The following TRPM3 variants were observed in gnomAD, a reference collection of about 807,000 sequenced individuals.
TRPM3 encodes the protein transient receptor potential cation channel subfamily M member 3.
TRPM3 carries 77 observed loss-of-function variants against 181.2 expected under a neutral mutation model. The ratio of observed to expected loss-of-function variants is 0.42; its 90% CI spans 0.35 to 0.51. TRPM3 has a LOEUF of 0.51. Ranked by LOEUF, TRPM3 falls within the 20% of genes least tolerant of loss-of-function variation. The pLI, the probability that TRPM3 is intolerant of heterozygous loss-of-function variation, is 0.01. For synonymous variants in TRPM3, 745 were observed against 796.4 expected, an observed-to-expected ratio of 0.94 and a Z score of 1.09; for missense variants, 1,759 against 2,196.7, an observed-to-expected ratio of 0.80 and a Z score of 3.98.
chr9:70,546,122 T>C (rs2044809967), intron 25 of TRPM3, among the ~76,000 whole-genome samples: 2 of 152,188 alleles, frequency 1.3e-5, no homozygotes, highest in Non-Finnish European at 2.9e-5. Context: ...TTCCAGAACA[T>C]TTTCCAAATG....
chr9:71,121,277 C>G lies in TRPM3; in HGVS notation c.78G>C (p.Leu26Phe), dbSNP rs1249143467. The change falls in exon 1 of 26, where the codon TTG becomes TTC. Residue 26 changes from leucine to phenylalanine, a missense_variant. This residue lies in a region of TRPM3 where 737 missense variants were observed against 957.4 expected (regional missense o/e 0.77). Transcript: ENST00000677713. ...CATCAGCCTGATTCATGACCCCTTC[C>G]AAATTCCACCAGGAAAACAAGAAAC... ...VFSFLFSWWN[L>F]EGVMNQADAP... is the part of the protein sequence containing the mutation. 1 of 1,614,108 alleles carries G rather than the reference C, an allele frequency of 6.2e-7. No homozygotes were observed. Among genetic ancestry groups the G allele is most frequent in the East Asian group, 2.2e-5 (1 of 44,858 alleles).
intron 1 of TRPM3, among the ~76,000 whole-genome samples, chr9:71,134,014 T>TGTGCGCGCGC (rs1554832860): frequency 7.1e-6 from 1 of 139,950 alleles, no homozygotes; most frequent in Non-Finnish European, 1.6e-5. Context: ...TGTGTGTGTG[T>TGTGCGCGCGC]GCGCGTGCGC....
At chr9:70,566,257 A>T (rs1588508688) in intron 22 of TRPM3, among the ~76,000 whole-genome samples, 1 of 152,198 alleles carries the variant, frequency 6.6e-6, no homozygotes, top group South Asian at 2.1e-4. Context: ...CACACTAAGA[A>T]GGCAAGATTT....
intron 7 of TRPM3, among the ~76,000 whole-genome samples, chr9:70,763,812 T>C (rs1265484567): frequency 6.6e-6 from 1 of 152,098 alleles, no homozygotes; most frequent in African/African-American, 2.4e-5. Context: ...GGAAAAGAAG[T>C]AAAGAAACTT....
At chr9:71,291,562 T>A (rs2085814346) in intron 1 of TRPM3, among the ~76,000 whole-genome samples, 1 of 151,970 alleles carries the variant, frequency 6.6e-6, no homozygotes, top group Non-Finnish European at 1.5e-5. Context: ...TCACTACTCA[T>A]CAAAATAGAC....
At chr9:70,784,397 T>G in intron 6 of TRPM3, 118 bp from the exon 7 acceptor site, 1 of 1,125,786 alleles carries the variant, frequency 8.9e-7, no homozygotes, top group South Asian at 1.7e-5. Flanking sequence ...ACGGGGGAGG[T>G]AGCAACATAT....
chr9:70,545,513 A>G (rs1246578926), intron 25 of TRPM3, among the ~76,000 whole-genome samples: 4 of 144,092 alleles, frequency 2.8e-5, no homozygotes, highest in Admixed American at 2.7e-4. Flanking sequence ...TATGCAAAAT[A>G]TTATTTCAGA....
intron 1 of TRPM3, among the ~76,000 whole-genome samples, chr9:71,315,253 G>A (rs943090465): frequency 2.0e-5 from 3 of 151,958 alleles, no homozygotes; most frequent in African/African-American, 7.3e-5. Context: ...CAGGGGGTGG[G>A]GTAAAAGAAT....
intron 1 of TRPM3, among the ~76,000 whole-genome samples, chr9:70,993,079 C>A (rs1034489524): frequency 6.6e-6 from 1 of 152,162 alleles, no homozygotes; most frequent in African/African-American, 2.4e-5. Context: ...GGGGTTGCGG[C>A]AGGACCTGAG....
chr9:70,980,179 G>A (rs990015808), intron 1 of TRPM3, among the ~76,000 whole-genome samples: 9 of 151,936 alleles, frequency 5.9e-5, no homozygotes, highest in African/African-American at 1.7e-4. Flanking sequence ...TGAGTCAGGC[G>A]TTGTGGTGCC....
At chr9:70,573,111 T>A (rs576875953) in intron 22 of TRPM3, among the ~76,000 whole-genome samples, 5 of 152,176 alleles carry the variant, frequency 3.3e-5, no homozygotes, top group South Asian at 4.1e-4. Context: ...TTTCAATATA[T>A]AAGTGTTCAG....
At chr9:70,545,548 C>CTTTTTT (rs5898150) in intron 25 of TRPM3, among the ~76,000 whole-genome samples, 77,966 of 113,156 alleles carry the variant, frequency 0.69, 28,783 homozygotes, top group East Asian at 0.84. Context: ...AATTTTCTTT[C>CTTTTTT]TTTTTTTTTT....
intron 1 of TRPM3, among the ~76,000 whole-genome samples, chr9:71,068,855 A>G (rs2062301071): frequency 6.6e-6 from 1 of 152,316 alleles, no homozygotes; most frequent in African/African-American, 2.4e-5. Context: ...TGTCACTAAG[A>G]ACACCCAATA....
At chr9:71,191,001 CA>C in intron 1 of TRPM3, among the ~76,000 whole-genome samples, 1 of 151,936 alleles carries the variant, frequency 6.6e-6, no homozygotes, top group East Asian at 1.9e-4. Context: ...ATATAAACAC[CA>C]GACACCGTTT....
chr9:71,339,332 C>A (rs1271615346), intron 1 of TRPM3, among the ~76,000 whole-genome samples: 1 of 151,936 alleles, frequency 6.6e-6, no homozygotes, highest in Non-Finnish European at 1.5e-5. Context: ...AGTTGCAGTG[C>A]AGTTTAAATA....
At chr9:71,116,413 A>T (rs865821539) in intron 1 of TRPM3, among the ~76,000 whole-genome samples, 7 of 152,190 alleles carry the variant, frequency 4.6e-5, no homozygotes, top group Non-Finnish European at 1.0e-4. Flanking sequence ...ATTTCAACAT[A>T]ATTATTCCTT....
intron 1 of TRPM3, among the ~76,000 whole-genome samples, chr9:70,872,523 C>T (rs2132580070): frequency 6.6e-6 from 1 of 152,070 alleles, no homozygotes; most frequent in East Asian, 1.9e-4. Context: ...CTTTCTTGAC[C>T]ATCCTATCTA....
Position 70,802,451 on chromosome 9 carries a change from C to T in TRPM3, c.974-18172G>A, listed in dbSNP as rs1683573432. 1.3e-5 allele frequency among the ~76,000 whole-genome samples: 2 copies of T among 152,164 alleles called. 1 individual carries two copies. The highest frequency in any genetic ancestry group is 4.1e-4 in the South Asian group (2 of 4,826). On this transcript the variant is annotated intron_variant, in intron 6 of 25. Transcript: ENST00000677713. Reference sequence around the variant, plus strand: ...TGCAATAAACCTTTACTTACAAAAACAGATGATGGCACGCTGGATTTGGCC... The same window carrying T: ...TGCAATAAACCTTTACTTACAAAAATAGATGATGGCACGCTGGATTTGGCC...
chr9:70,594,157 A>G (rs550959578), intron 21 of TRPM3, among the ~76,000 whole-genome samples: 117 of 151,082 alleles, frequency 7.7e-4, no homozygotes, highest in Middle Eastern at 6.9e-3. Context: ...AAATGTAGCT[A>G]GGTGGCCTCG....
Sources: allele counts gnomAD v4.1 joint callset (sites outside exome capture counted in the v4.1 genomes callset), GRCh38; gene constraint gnomAD v4.1.1; regional missense constraint gnomAD v4.1.1; transcripts MANE v1.5; gene names NCBI Gene and HGNC (gene_info 2026-07-23, HGNC 2026-07-21).